The following KCNIP1 variants were observed in gnomAD, a reference collection of about 807,000 sequenced individuals.
The protein encoded by KCNIP1 is A-type potassium channel modulatory protein KCNIP1.
A neutral mutation model predicts 33.0 loss-of-function variants in KCNIP1; 18 were observed. The ratio of observed to expected loss-of-function variants is 0.55; its 90% CI spans 0.38 to 0.81. The LOEUF is 0.81. Ranked by LOEUF, KCNIP1 falls within the 30% of genes least tolerant of loss-of-function variation. The pLI is 0.00. For synonymous variants in KCNIP1, 93 were observed against 98.3 expected (o/e 0.95, Z 0.32); for missense variants, 238 against 271.6 (o/e 0.88, Z 0.87).
intron 1 of KCNIP1, among the ~76,000 whole-genome samples, chr5:170,552,545 G>A (rs926943403): frequency 6.6e-5 from 10 of 152,114 alleles, no homozygotes; most frequent in African/African-American, 2.4e-4. Flanking sequence ...GTTTGTGTTC[G>A]GGCTTCCATA....
intron 1 of KCNIP1, among the ~76,000 whole-genome samples, chr5:170,413,387 A>G (rs895554829): frequency 1.3e-5 from 2 of 152,326 alleles, no homozygotes; most frequent in African/African-American, 4.8e-5. Context: ...ATAGCTACAC[A>G]AAATTAAAAT....
chr5:170,513,466 T>A (rs1434027055), intron 1 of KCNIP1, among the ~76,000 whole-genome samples: 7 of 152,256 alleles, frequency 4.6e-5, no homozygotes, highest in Non-Finnish European at 1.0e-4. Context: ...TGCAGGATGA[T>A]GTACGCCCAT....
intron 1 of KCNIP1, among the ~76,000 whole-genome samples, chr5:170,493,551 C>T (rs979831969): frequency 3.9e-5 from 6 of 152,168 alleles, no homozygotes; most frequent in African/African-American, 1.4e-4. Context: ...GTCCCTCCAG[C>T]TGCAGGTTGG....
intron 1 of KCNIP1, among the ~76,000 whole-genome samples, chr5:170,625,650 C>T (rs1002246049): frequency 2.0e-5 from 3 of 152,196 alleles, no homozygotes; most frequent in Admixed American, 2.0e-4. Flanking sequence ...GCTAGTCTTA[C>T]AAGCACCCAA....
intron 1 of KCNIP1, among the ~76,000 whole-genome samples, chr5:170,668,716 T>C (rs11750617): frequency 4.9e-4 from 75 of 152,294 alleles, no homozygotes; most frequent in Non-Finnish European, 1.0e-3. Context: ...GAGACACTAA[T>C]GTTTCAGTAT....
At chr5:170,383,439 C>A (rs1305117431) in intron 1 of KCNIP1, 2 of 611,108 alleles carry the variant, frequency 3.3e-6, no homozygotes, top group Non-Finnish European at 5.8e-6. Flanking sequence ...AGGGTGGAAA[C>A]TGAGGAGGTG....
At chr5:170,638,331 C>T (rs902601792) in intron 1 of KCNIP1, among the ~76,000 whole-genome samples, 1 of 152,106 alleles carries the variant, frequency 6.6e-6, no homozygotes, top group Admixed American at 6.5e-5. Context: ...ACGTGCTGGC[C>T]TCCTGCCTGC....
intron 1 of KCNIP1, chr5:170,678,804 ACAG>A: frequency 6.6e-6 from 1 of 152,308 alleles, no homozygotes; most frequent in Non-Finnish European, 1.5e-5. Flanking sequence ...AAGATCAGCA[ACAG>A]CATGAGTTTT....
At chr5:170,424,453 G>A (rs1011977974) in intron 1 of KCNIP1, among the ~76,000 whole-genome samples, 5 of 152,144 alleles carry the variant, frequency 3.3e-5, no homozygotes, top group African/African-American at 9.7e-5. Flanking sequence ...AAGGCTGCCC[G>A]AGAACAAAGG....
chr5:170,694,648 T>C lies in KCNIP1; in HGVS notation c.62-24110T>C, dbSNP rs375632473. On this transcript the variant is annotated intron_variant, in intron 1 of 7. Transcript: ENST00000328939. ...TAAAAAATAATCTTCCTGAGATTGG[T>C]TATGAAATGCACTCAACACAGCACC... Among the ~76,000 whole-genome samples, 9 of 152,322 alleles carry C rather than the reference T, an allele frequency of 5.9e-5. No homozygotes were observed. In the South Asian group the frequency reaches 1.0e-3, roughly 18 times the overall value.
intron 1 of KCNIP1, among the ~76,000 whole-genome samples, chr5:170,448,688 G>A (rs1335697618): frequency 1.3e-5 from 2 of 152,208 alleles, no homozygotes; most frequent in African/African-American, 2.4e-5. Context: ...GTATGAGCTG[G>A]TCTGGACCCA....
At chr5:170,546,429 T>C (rs576772589) in intron 1 of KCNIP1, among the ~76,000 whole-genome samples, 105 of 152,344 alleles carry the variant, frequency 6.9e-4, no homozygotes, top group African/African-American at 2.4e-3. Context: ...TGGCTTCTTA[T>C]ATTTCAGGCT....
At chr5:170,411,270 AT>A (rs1265569494) in intron 1 of KCNIP1, among the ~76,000 whole-genome samples, 5 of 152,240 alleles carry the variant, frequency 3.3e-5, no homozygotes, top group Non-Finnish European at 7.3e-5. Context: ...AAATGTCATT[AT>A]GATGCCCATT....
chr5:170,691,960 A>G (rs1182239891), intron 1 of KCNIP1, among the ~76,000 whole-genome samples: 1 of 152,326 alleles, frequency 6.6e-6, no homozygotes, highest in East Asian at 1.9e-4. Flanking sequence ...GATATTCCCC[A>G]CTGCTTCCTC....
chr5:170,610,417 A>G (rs1759099488), intron 1 of KCNIP1, among the ~76,000 whole-genome samples: 1 of 152,214 alleles, frequency 6.6e-6, no homozygotes, highest in Admixed American at 6.5e-5. Flanking sequence ...GCACAGCTTA[A>G]TGAAATTAGT....
At chr5:170,599,430 T>C (rs928931408) in intron 1 of KCNIP1, among the ~76,000 whole-genome samples, 4 of 152,106 alleles carry the variant, frequency 2.6e-5, no homozygotes, top group African/African-American at 9.7e-5. Flanking sequence ...TCAAATGAGA[T>C]CAGGGCAACT....
chr5:170,472,448 AG>A (rs1756753936), intron 1 of KCNIP1, among the ~76,000 whole-genome samples: 2 of 152,256 alleles, frequency 1.3e-5, no homozygotes, highest in South Asian at 4.1e-4. Flanking sequence ...ATTTTTCCAT[AG>A]GTTATTGGTG....
intron 1 of KCNIP1, among the ~76,000 whole-genome samples, chr5:170,608,848 C>T (rs1229990958): frequency 6.6e-6 from 1 of 152,068 alleles, no homozygotes; most frequent in Non-Finnish European, 1.5e-5. Flanking sequence ...TCATATTACT[C>T]CCCCCTTACT....
At chr5:170,714,624 C>T (rs561270746) in intron 1 of KCNIP1, among the ~76,000 whole-genome samples, 137 of 152,046 alleles carry the variant, frequency 9.0e-4, no homozygotes, top group African/African-American at 3.2e-3. Flanking sequence ...AGGTTCCTGA[C>T]CCTGTGTGGG....
Sources: gnomAD v4.1 joint callset for allele counts (sites outside exome capture counted in the v4.1 genomes callset) on GRCh38, gnomAD v4.1.1 for gene constraint, MANE v1.5 for transcripts, NCBI Gene and HGNC (gene_info 2026-07-23, HGNC 2026-07-21) for gene names.